The following PPP1R9A variants were observed in gnomAD, a reference collection of about 807,000 sequenced individuals.
PPP1R9A encodes the protein protein phosphatase 1 regulatory subunit 9A.
A neutral mutation model predicts 141.9 loss-of-function variants in PPP1R9A; 59 were observed. The ratio of observed to expected loss-of-function variants is 0.42; its 90% confidence interval spans 0.34 to 0.52. The LOEUF (loss-of-function observed/expected upper bound fraction) is 0.52, where lower values mean the gene tolerates loss of function less well. Among genes scored for constraint, PPP1R9A ranks in the 20% least tolerant of loss-of-function variants. PPP1R9A has a pLI of 0.10. For missense variants in PPP1R9A, 1,444 were observed against 1,611.9 expected, an observed-to-expected ratio of 0.90 and a Z score of 1.78; for synonymous variants, 500 against 569.7, an observed-to-expected ratio of 0.88 and a Z score of 1.74.
chr7:94,999,519 AG>A (rs1445040265), intron 2 of PPP1R9A, among the ~76,000 whole-genome samples: 92 of 152,360 alleles, frequency 6.0e-4, no homozygotes, highest in African/African-American at 2.1e-3. Flanking sequence ...TACTTAAAAA[AG>A]AAAATCAACA....
At chr7:95,150,443 T>C (rs1454341494) in intron 4 of PPP1R9A, among the ~76,000 whole-genome samples, 2 of 152,086 alleles carry the variant, frequency 1.3e-5, no homozygotes, top group East Asian at 1.9e-4. Flanking sequence ...GCTGGGATTA[T>C]AGGAGTGTGC....
At chr7:94,954,732 A>T in intron 2 of PPP1R9A, among the ~76,000 whole-genome samples, 2 of 141,818 alleles carry the variant, frequency 1.4e-5, no homozygotes, top group African/African-American at 2.6e-5. Flanking sequence ...GATTTTTTTG[A>T]GTTTTTCCTT....
intron 3 of PPP1R9A, among the ~76,000 whole-genome samples, chr7:95,112,982 A>G (rs556469147): frequency 6.6e-6 from 1 of 152,286 alleles, no homozygotes; most frequent in South Asian, 2.1e-4. Flanking sequence ...CACAATGCGA[A>G]CTATTCAGGT....
At chr7:95,264,466 A>G (rs1800945010) in intron 12 of PPP1R9A, among the ~76,000 whole-genome samples, 1 of 152,206 alleles carries the variant, frequency 6.6e-6, no homozygotes, top group Non-Finnish European at 1.5e-5. Flanking sequence ...TATGACTCAC[A>G]GTATTACTGT....
rs537659818 is a variant in PPP1R9A, at chr7:95,257,690, C to G, written c.2665+5560C>G. On this transcript the variant is annotated intron_variant, in intron 12 of 19. Coordinates refer to ENST00000433360, the MANE Select transcript of PPP1R9A (RefSeq NM_001166160.2). The stretch of plus-strand genomic sequence containing the variant: ...GCTCCCCCCACCCCACAACAGGCCC[C>G]TATGTGTGATGTTCCCCTTCCTGTG... Among the ~76,000 whole-genome samples, 41 of 152,138 alleles carry G rather than the reference C, an allele frequency of 2.7e-4. No individual in the cohort carries two copies. In the East Asian group the frequency reaches 7.8e-3, roughly 29 times the overall value.
chr7:95,136,605 G>C (rs1329770384), intron 4 of PPP1R9A, among the ~76,000 whole-genome samples: 2 of 152,182 alleles, frequency 1.3e-5, no homozygotes, highest in African/African-American at 4.8e-5. Flanking sequence ...TTGTGGGAAA[G>C]AGAATGGCAT....
At chr7:95,155,676 T>TA (rs1829497569) in intron 4 of PPP1R9A, 1 of 152,158 alleles carries the variant, frequency 6.6e-6, no homozygotes, top group Non-Finnish European at 1.5e-5. Context: ...TTTGTAAATA[T>TA]AAAAAGAAAA....
chr7:95,036,435 C>T (rs1808434033), intron 2 of PPP1R9A: 1 of 152,110 alleles, frequency 6.6e-6, no homozygotes, highest in African/African-American at 2.4e-5. Flanking sequence ...CTAGGCTGTT[C>T]TTGCTGGAAT....
chr7:94,918,182 T>C (rs1376570432), intron 2 of PPP1R9A, among the ~76,000 whole-genome samples: 1 of 152,188 alleles, frequency 6.6e-6, no homozygotes, highest in Non-Finnish European at 1.5e-5. Context: ...TTATGCTTTA[T>C]AGTTTTTCTT....
Position 95,172,133 on chromosome 7 carries a change from G to A in PPP1R9A, c.1754+10162G>A, listed in dbSNP as rs559383543. Among the ~76,000 whole-genome samples, 35 of 151,636 alleles carry A rather than the reference G, an allele frequency of 2.3e-4. No individual in the cohort carries two copies. In the South Asian group the frequency reaches 7.1e-3, roughly 31 times the overall value. ...GATAAATAGGATCTTAGTGAAGCCT[G>A]CAACTAATAACATTCTTAATGGTGA... is the stretch of plus-strand genomic sequence containing the variant. On this transcript the variant is annotated intron_variant, in intron 5 of 19. Transcript: ENST00000433360.
At chr7:95,156,387 G>A (rs1007285779) in intron 4 of PPP1R9A, 4 of 152,340 alleles carry the variant, frequency 2.6e-5, no homozygotes, top group African/African-American at 9.6e-5. Context: ...TGGGCTGCCT[G>A]AGAAGGCACA....
At chr7:95,138,778 G>A (rs1826123126) in intron 4 of PPP1R9A, among the ~76,000 whole-genome samples, 1 of 152,148 alleles carries the variant, frequency 6.6e-6, no homozygotes, top group Admixed American at 6.5e-5. Flanking sequence ...TAATAGCAAT[G>A]CAAATTAAAC....
chr7:94,985,643 A>C (rs181490913), intron 2 of PPP1R9A, among the ~76,000 whole-genome samples: 1 of 151,646 alleles, frequency 6.6e-6, no homozygotes, highest in East Asian at 1.9e-4. Flanking sequence ...CTGGGATTGC[A>C]ACTCCTGCTT....
rs192913162 is a variant in PPP1R9A at position 95,259,962 on chromosome 7, C to G, written c.2665+7832C>G. 2.4e-3 allele frequency among the ~76,000 whole-genome samples: 363 copies of G among 151,992 alleles called. 1 individual carries two copies. The highest frequency in any genetic ancestry group is 8.4e-3 in the African/African-American group (349 of 41,474). On this transcript the variant is annotated intron_variant, in intron 12 of 19. Coordinates refer to ENST00000433360, the MANE Select transcript of PPP1R9A (RefSeq NM_001166160.2). ...TAAACTTTCACAATTTTCATTTTTC[C>G]TGAAAACTTATTTTCAATTTTGTTT...
At chr7:95,227,153 A>C (rs141349160) in intron 8 of PPP1R9A, among the ~76,000 whole-genome samples, 78 of 152,348 alleles carry the variant, frequency 5.1e-4, no homozygotes, top group African/African-American at 1.7e-3. Context: ...GCCAAAGAAT[A>C]TAAGTTATCA....
chr7:95,026,349 G>T (rs1309631735), intron 2 of PPP1R9A, among the ~76,000 whole-genome samples: 1 of 150,886 alleles, frequency 6.6e-6, no homozygotes, highest in East Asian at 2.0e-4. Flanking sequence ...CTGCAGGTCT[G>T]CTGGAGTTTG....
intron 8 of PPP1R9A, among the ~76,000 whole-genome samples, chr7:95,232,964 T>C (rs1796183742): frequency 6.6e-6 from 1 of 152,198 alleles, no homozygotes; most frequent in East Asian, 1.9e-4. Context: ...AGTGTGGTGA[T>C]TCCTCAGGGG....
At chr7:95,159,689 C>T (rs879645460) in intron 4 of PPP1R9A, among the ~76,000 whole-genome samples, 91 of 151,732 alleles carry the variant, frequency 6.0e-4, no homozygotes, top group African/African-American at 1.9e-3. Context: ...TTTGGGAGGC[C>T]GAGGCGGGAA....
chr7:95,028,267 G>A (rs572864132), intron 2 of PPP1R9A, among the ~76,000 whole-genome samples: 1 of 152,068 alleles, frequency 6.6e-6, no homozygotes, highest in Admixed American at 6.6e-5. Context: ...GATCAATTTA[G>A]TAATGCAAAG....
Sources: gnomAD v4.1 joint callset for allele counts (sites outside exome capture counted in the v4.1 genomes callset) on GRCh38, gnomAD v4.1.1 for gene constraint, MANE v1.5 for transcripts, NCBI Gene and HGNC (gene_info 2026-07-23, HGNC 2026-07-21) for gene names.